The following RAB28 variants were observed in gnomAD, a reference collection of about 807,000 sequenced individuals.
The protein encoded by RAB28 is RAB28, member RAS oncogene family.
RAB28 carries 24 observed loss-of-function variants against 31.7 expected under a neutral mutation model. The observed-to-expected ratio is 0.76, with a 90% CI of 0.55 to 1.06. The LOEUF is 1.06. RAB28 is among the 50% of genes least tolerant of loss of function. The pLI, the probability that RAB28 is intolerant of heterozygous loss-of-function variation, is 0.00. For missense variants in RAB28, 254 were observed against 258.5 expected, an observed-to-expected ratio of 0.98 and a Z score of 0.12; for synonymous variants, 100 against 90.4, an observed-to-expected ratio of 1.11 and a Z score of -0.60.
intron 4 of RAB28, among the ~76,000 whole-genome samples, chr4:13,457,833 A>G (rs921760590): frequency 6.6e-6 from 1 of 152,214 alleles, no homozygotes; most frequent in African/African-American, 2.4e-5. Flanking sequence ...CATAATGTAT[A>G]TAATTATGTA....
At chr4:13,483,462 T>C (rs1266661490) in intron 1 of RAB28, among the ~76,000 whole-genome samples, 1 of 152,186 alleles carries the variant, frequency 6.6e-6, no homozygotes, top group East Asian at 1.9e-4. Context: ...GCAACTAGAG[T>C]GTACTGAGTG....
intron 4 of RAB28, among the ~76,000 whole-genome samples, chr4:13,408,715 G>C (rs1456156754): frequency 2.0e-5 from 3 of 152,086 alleles, no homozygotes; most frequent in African/African-American, 7.2e-5. Flanking sequence ...GCAAGTATGA[G>C]TGATTTTTTT....
At chr4:13,463,938 G>A (rs1715718887) in intron 3 of RAB28, among the ~76,000 whole-genome samples, 2 of 151,730 alleles carry the variant, frequency 1.3e-5, no homozygotes, top group Admixed American at 1.3e-4. Flanking sequence ...ATAAGAAAAA[G>A]GCAGAACAAA....
At chr4:13,445,902 T>C in intron 4 of RAB28, among the ~76,000 whole-genome samples, 1 of 152,108 alleles carries the variant, frequency 6.6e-6, no homozygotes, top group East Asian at 1.9e-4. Context: ...GAATCTCCCT[T>C]GTCAGGATCA....
chr4:13,480,394 C>T (rs977239653), intron 1 of RAB28, among the ~76,000 whole-genome samples: 4 of 151,956 alleles, frequency 2.6e-5, no homozygotes, highest in Admixed American at 2.6e-4. Context: ...AAGGCAACTT[C>T]ACTAAGCTTT....
intron 4 of RAB28, among the ~76,000 whole-genome samples, chr4:13,441,213 C>T (rs984858355): frequency 6.6e-6 from 1 of 152,116 alleles, no homozygotes; most frequent in Non-Finnish European, 1.5e-5. Flanking sequence ...GTTTGCTACG[C>T]CCTTGCTATG....
chr4:13,381,615 G>C, intron 4 of RAB28, 21 bp from the exon 5 acceptor site: 1 of 1,552,872 alleles, frequency 6.4e-7, no homozygotes, highest in Non-Finnish European at 8.8e-7. Flanking sequence ...GTTAAAGAAA[G>C]AAAATAATTC....
At chr4:13,389,100 A>G (rs926451825) in intron 4 of RAB28, among the ~76,000 whole-genome samples, 6 of 152,172 alleles carry the variant, frequency 3.9e-5, no homozygotes, top group Non-Finnish European at 7.4e-5. Flanking sequence ...TGCAGTGTAT[A>G]TATACAATGG....
intron 4 of RAB28, among the ~76,000 whole-genome samples, chr4:13,453,451 A>G: frequency 6.6e-6 from 1 of 152,010 alleles, no homozygotes; most frequent in East Asian, 1.9e-4. Context: ...AGCAAGTTTT[A>G]GTTTCACGTG....
intron 4 of RAB28, among the ~76,000 whole-genome samples, chr4:13,396,577 A>T (rs1161667839): frequency 1.3e-5 from 2 of 152,096 alleles, no homozygotes; most frequent in Non-Finnish European, 2.9e-5. Flanking sequence ...CTTCTTATAA[A>T]TATAACTGCC....
intron 2 of RAB28, among the ~76,000 whole-genome samples, chr4:13,476,716 T>A (rs1174970928): frequency 6.6e-6 from 1 of 151,462 alleles, no homozygotes; most frequent in African/African-American, 2.4e-5. Flanking sequence ...TATATAAGAA[T>A]ATTCAAATAA....
chr4:13,473,952 G>A (rs1469203450), intron 3 of RAB28: 2 of 363,524 alleles, frequency 5.5e-6, no homozygotes, highest in Non-Finnish European at 1.1e-5. Context: ...TTAAAATGAA[G>A]TTAAATTTTC....
intron 4 of RAB28, among the ~76,000 whole-genome samples, chr4:13,448,336 T>C (rs973594626): frequency 6.6e-6 from 1 of 152,104 alleles, no homozygotes; most frequent in Non-Finnish European, 1.5e-5. Context: ...ACAAATAAGA[T>C]GAATTATGCT....
chr4:13,450,099 CTTCAT>C (rs1714885390), intron 4 of RAB28, among the ~76,000 whole-genome samples: 1 of 151,822 alleles, frequency 6.6e-6, no homozygotes, highest in South Asian at 2.1e-4. Context: ...TGAATTTCCA[CTTCAT>C]TTCAATTATA....
chr4:13,414,289 A>C (rs1441818416), intron 4 of RAB28, among the ~76,000 whole-genome samples: 1 of 152,192 alleles, frequency 6.6e-6, no homozygotes, highest in Non-Finnish European at 1.5e-5. Context: ...ACAGAGCTAC[A>C]TTGTTTAATT....
chr4:13,442,317 A>C (rs1714463464), intron 4 of RAB28, among the ~76,000 whole-genome samples: 1 of 152,172 alleles, frequency 6.6e-6, no homozygotes, highest in African/African-American at 2.4e-5. Flanking sequence ...AAGCACATTC[A>C]AACTCAAATG....
chr4:13,422,282 G>A (rs1442742574), intron 4 of RAB28, among the ~76,000 whole-genome samples: 4 of 152,140 alleles, frequency 2.6e-5, no homozygotes, highest in African/African-American at 4.8e-5. Flanking sequence ...AAATAGGAAC[G>A]CTTTTGCACT....
At chr4:13,388,408 G>A (rs188685701) in intron 4 of RAB28, among the ~76,000 whole-genome samples, 59 of 152,020 alleles carry the variant, frequency 3.9e-4, no homozygotes, top group African/African-American at 1.2e-3. Context: ...ACCAAAAACT[G>A]TAAAACTCCT....
At chr4:13,377,432 C>T (rs1362323008) in intron 5 of RAB28, among the ~76,000 whole-genome samples, 1 of 152,172 alleles carries the variant, frequency 6.6e-6, no homozygotes, top group South Asian at 2.1e-4. Context: ...TCCTGATAGC[C>T]TTATGCCACT....
Sources: gnomAD v4.1 joint callset for allele counts (sites outside exome capture counted in the v4.1 genomes callset) on GRCh38, gnomAD v4.1.1 for gene constraint, MANE v1.5 for transcripts, NCBI Gene and HGNC (gene_info 2026-07-23, HGNC 2026-07-21) for gene names.